The following ANKLE1 variants were observed in gnomAD, a reference collection of about 807,000 sequenced individuals.
ANKLE1 encodes ankyrin repeat and LEM domain containing 1.
A neutral mutation model predicts 56.2 loss-of-function variants in ANKLE1; 59 were observed. The observed-to-expected ratio is 1.05, with a 90% CI of 0.85 to 1.30. ANKLE1 has a LOEUF of 1.30. ANKLE1 is among the 50% of genes most tolerant of loss of function. ANKLE1 has a pLI of 0.00. For missense variants in ANKLE1, 771 were observed against 816.1 expected, an observed-to-expected ratio of 0.94 and a Z score of 0.67; for synonymous variants, 341 against 352.9, an observed-to-expected ratio of 0.97 and a Z score of 0.38.
At position 17,282,958 on chromosome 19, in the gene ANKLE1, C is replaced by T. The variant is rs1055161502; in HGVS notation, c.416C>T (p.Thr139Ile). Residue 139 changes from threonine (T) to isoleucine (I), a missense_variant, in exon 4 of 9, where the codon ACC becomes ATC. By Grantham distance (89) the Thr-to-Ile change is moderately conservative. Transcript: ENST00000404085. ...CTCGACACGCGGACCAGGACCCGGA[C>T]CCGGATCGGGGCAGAGACTCAGGAG... is the stretch of plus-strand genomic sequence containing the variant. ...QDLDTRTRTR[T>I]RIGAETQEPE... 1.9e-6 allele frequency: 3 copies of T among 1,568,536 alleles called. No homozygotes were observed. Among genetic ancestry groups the T allele is most frequent in the Non-Finnish European group, 2.6e-6 (3 of 1,163,332 alleles).
At chr19:17,285,902 G>A (rs1214858946) in intron 8 of ANKLE1, 83 bp downstream of exon 8, 5 of 1,548,102 alleles carry the variant, frequency 3.2e-6, no homozygotes, top group South Asian at 1.2e-5. Flanking sequence ...TCTGAGGGGT[G>A]TTCATTTGTT....
In ANKLE1 at chr19:17,283,762, C is replaced by T. The variant is rs778452177; in HGVS notation, c.998C>T (p.Thr333Met). ...HQTSIDSDMA[T>M]LWLTEDEASS... is the part of the protein sequence containing the mutation. ...ACATCCATTGATAGTGACATGGCCA[C>T]GCTCTGGCTGACAGAGGATGAGGCA... Residue 333 changes from threonine (T) to methionine (M), a missense_variant, in exon 5 of 9, where the codon ACG (threonine) becomes ATG (methionine). By Grantham distance (81) the Thr-to-Met change is moderately conservative (BLOSUM62 -1). Transcript: ENST00000404085. 1.6e-5 allele frequency: 26 copies of T among 1,613,552 alleles called. 1 individual carries two copies. The highest frequency in any genetic ancestry group is 3.3e-4 in the Middle Eastern group (2 of 6,084).
intron 3 of ANKLE1, 44 bp from the exon 4 acceptor site, chr19:17,282,820 G>C (rs367689223): frequency 6.3e-7 from 1 of 1,582,224 alleles, no homozygotes; most frequent in South Asian, 1.1e-5. Flanking sequence ...AGGGAAGGAA[G>C]GTAAGAGGGC....
In ANKLE1 at chr19:17,283,245, A is replaced by G. The variant is rs1358256874; in HGVS notation, c.481A>G (p.Thr161Ala). Reference sequence around the variant, plus strand: ...TGCAGCCCCAGGCCTCTCTGGACCTACCGATGAGACGCTGGACTCCATAGC... The same window carrying G: ...TGCAGCCCCAGGCCTCTCTGGACCTGCCGATGAGACGCTGGACTCCATAGC... ...APGTPGLSGP[T>A]DETLDSIALQ... Residue 161 changes from threonine (T) to alanine (A), a missense_variant, in exon 5 of 9, where the codon ACC (threonine) becomes GCC (alanine). By Grantham distance (58) the Thr-to-Ala change is moderately conservative. Transcript: ENST00000404085. The G allele has an allele frequency of 4.3e-6, 7 of 1,612,092 alleles. No individual in the cohort carries two copies. The South Asian group carries it at 5.5e-5, about 13-fold the overall frequency.
rs1421254839 is a variant in ANKLE1, at chr19:17,281,974, G to A, written c.54G>A (p.Glu18=). Residue 18 remains glutamate, a synonymous_variant, in exon 1 of 9, where the codon GAG becomes GAA. Coordinates refer to ENST00000404085, the MANE Select transcript of ANKLE1 (RefSeq NM_152363.6). The stretch of plus-strand genomic sequence containing the variant: ...GGTTGCGGGATGCGCTGCGGGAGGA[G>A]GAGCCGTGGTGAGGGCGGGGCCGGG... The part of the protein sequence containing the change: ...ARRLRDALRE[E]EPWAVEELLR... 1 of 1,534,354 alleles carries A rather than the reference G, an allele frequency of 6.5e-7. No individual in the cohort carries two copies. Among genetic ancestry groups the A allele is most frequent in the African/African-American group, 1.4e-5 (1 of 73,012 alleles).
rs1315997546 is a variant in ANKLE1, at chr19:17,283,789, G to A, written c.1025G>A (p.Ser342Asn). Reference sequence around the variant, plus strand: ...CTCTGGCTGACAGAGGATGAGGCAAGCTCTACAGGTGGCAGGGAACCTGTC... The same window carrying A: ...CTCTGGCTGACAGAGGATGAGGCAAACTCTACAGGTGGCAGGGAACCTGTC... ...ATLWLTEDEA[S>N]STGGREPVGP... Residue 342 changes from serine (S) to asparagine (N), a missense_variant, in exon 5 of 9, where the codon AGC (serine) becomes AAC (asparagine). Coordinates refer to ENST00000404085, the MANE Select transcript of ANKLE1 (RefSeq NM_152363.6). 1.2e-6 allele frequency: 2 copies of A among 1,613,640 alleles called. No individual in the cohort carries two copies. The highest frequency in any genetic ancestry group is 1.7e-6 in the Non-Finnish European group (2 of 1,179,900).
chr19:17,285,764 G>A lies in ANKLE1; in HGVS notation c.1620G>A (p.Gln540=), dbSNP rs2074024935. ...GTGTTGTGTCCCTACATTGCTTCCA[G>A]CACGTGGTCGCTGTGGAGGCTTATA... ...GCGVVSLHCF[Q]HVVAVEAYTR... is the part of the protein sequence containing the mutation. Residue 540 remains glutamine, a synonymous_variant, in exon 8 of 9, where the codon CAG becomes CAA. Transcript: ENST00000404085. 9.3e-6 allele frequency: 15 copies of A among 1,613,796 alleles called. No individual in the cohort carries two copies. Among genetic ancestry groups the A allele is most frequent in the Non-Finnish European group, 1.1e-5 (13 of 1,179,890 alleles).
chr19:17,286,908 G>A lies in ANKLE1; in HGVS notation c.*356G>A. ...GCAACTCCACCTGGAATAGGAGCTGGGTAAAATGAGGCTGAAACCTACTGG... is the reference window on the plus strand; with the variant it reads ...GCAACTCCACCTGGAATAGGAGCTGAGTAAAATGAGGCTGAAACCTACTGG... On this transcript the variant is annotated 3_prime_UTR_variant, in exon 9 of 9. Coordinates refer to ENST00000404085, the MANE Select transcript of ANKLE1 (RefSeq NM_152363.6). 1.3e-6 allele frequency: 1 copy of A among 752,198 alleles called. No individual in the cohort carries two copies. The highest frequency in any genetic ancestry group is 1.7e-6 in the Non-Finnish European group (1 of 588,700). 46.6% of individuals were successfully genotyped at this position (752,198 alleles called of 1,614,324 possible). A position where few individuals can be genotyped will look rare whatever the true frequency, so the allele number is the denominator to read the frequency against.
rs1382096256 is a variant in ANKLE1, at chr19:17,285,900, G to T, written c.1675+81G>T. 7 of 1,552,648 alleles carry T rather than the reference G, an allele frequency of 4.5e-6. No individual in the cohort carries two copies. In the East Asian group the frequency reaches 1.6e-4, roughly 35 times the overall value. On this transcript the variant is annotated intron_variant, in intron 8 of 8. Coordinates refer to ENST00000404085, the MANE Select transcript of ANKLE1 (RefSeq NM_152363.6). The stretch of plus-strand genomic sequence containing the variant: ...TCCCTCATTTTTTTCCTTCTGAGGG[G>T]TGTTCATTTGTTGACTGAGCAATTA...
Position 17,284,081 on chromosome 19 carries a change from A to T in ANKLE1, c.1199-8A>T, listed in dbSNP as rs1402270327. ...ATCATCCCTTCCTCCATCTCCCTTG[A>T]CTTCCAGGCCCAGAGTTTTCAGGGC... On this transcript the variant is annotated splice_region_variant and splice_polypyrimidine_tract_variant and intron_variant, in intron 5 of 8. Transcript: ENST00000404085. 9 of 1,612,696 alleles carry T rather than the reference A, an allele frequency of 5.6e-6. No homozygotes were observed. Among genetic ancestry groups the T allele is most frequent in the Non-Finnish European group, 7.6e-6 (9 of 1,179,058 alleles).
chr19:17,282,010 G>A, intron 1 of ANKLE1, 28 bp downstream of exon 1: 1 of 1,535,916 alleles, frequency 6.5e-7, no homozygotes, highest in Non-Finnish European at 8.7e-7. Flanking sequence ...GGCGGGCCAG[G>A]AGTGGGGGTC....
chr19:17,286,459 C>A lies in ANKLE1; in HGVS notation c.1755C>A (p.Arg585=), dbSNP rs767935151. The A allele has an allele frequency of 3.1e-6, 5 of 1,612,226 alleles. No homozygotes were observed. In the South Asian group the frequency reaches 5.5e-5, roughly 18 times the overall value. Residue 585 remains arginine, a synonymous_variant, in exon 9 of 9, where the codon CGC becomes CGA. Coordinates refer to ENST00000404085, the MANE Select transcript of ANKLE1 (RefSeq NM_152363.6). ...VAGWPPARRR[R]LGVHLLHRAL... ...GCTGGCCACCTGCTCGTCGCCGGCG[C>A]TTGGGGGTGCACCTGCTGCACCGTG... is the stretch of plus-strand genomic sequence containing the variant.
Position 17,282,138 on chromosome 19 carries a change from CGGAG to C in ANKLE1, c.145_148del (p.Gly49ProfsTer28). 6.5e-7 allele frequency: 1 copy of C among 1,539,224 alleles called. No homozygotes were observed. Among genetic ancestry groups the C allele is most frequent in the Non-Finnish European group, 8.7e-7 (1 of 1,145,634 alleles). The stretch of plus-strand genomic sequence containing the variant: ...GCGCAGCGGCTGTGCACTTGGCGGC[CGGAG>C]CCCGGCACCCGCGCGGCCTGCGTTG... On this transcript the variant is annotated frameshift_variant, in exon 2 of 9. Transcript: ENST00000404085. LOFTEE classifies it high-confidence loss of function.
intron 2 of ANKLE1, 30 bp downstream of exon 2, chr19:17,282,239 T>C (rs958070870): frequency 6.2e-6 from 9 of 1,458,586 alleles, no homozygotes; most frequent in Non-Finnish European, 4.5e-6. Flanking sequence ...CGGGGCGGGG[T>C]CTCCCCAAGC....
chr19:17,282,525 G>A, intron 2 of ANKLE1, 131 bp from the exon 3 acceptor site: 1 of 1,007,056 alleles, frequency 9.9e-7, no homozygotes, highest in Non-Finnish European at 1.5e-6. Context: ...TAGGTTCCAA[G>A]GGCAGTGTAC....
rs779289249 is a variant in ANKLE1, at chr19:17,286,682, G to GTT, written c.*131_*132insTT. 6 of 960,496 alleles carry GTT rather than the reference G, an allele frequency of 6.2e-6. No homozygotes were observed. In the African/African-American group the frequency reaches 1.5e-4, roughly 24 times the overall value. The allele number at this position is 960,496 out of a possible 1,614,324, so 59.5% of individuals were successfully genotyped here. On this transcript the variant is annotated 3_prime_UTR_variant, in exon 9 of 9. Coordinates refer to ENST00000404085, the MANE Select transcript of ANKLE1 (RefSeq NM_152363.6). ...TGTGTGTGTGTGTGTGTGTGTGTGT[G>GTT]TGTGTGTGTTTGTGTGTGTGTGTGT...
Position 17,283,961 on chromosome 19 carries a change from T to C in ANKLE1, c.1197T>C (p.Pro399=). The change falls in exon 5 of 9, where the codon CCT becomes CCC. Residue 399 remains proline, a splice_region_variant and synonymous_variant. Transcript: ENST00000404085. ...AGCTGGAAGAAGCCCAGATTGCTCC[T>C]GGTTAGTCTTCCCAGGGCACATGGA... ...HQQLEEAQIA[P]GPEFSGHSLE... is the part of the protein sequence containing the mutation. 1.9e-6 allele frequency: 3 copies of C among 1,601,282 alleles called. No homozygotes were observed. The highest frequency in any genetic ancestry group is 2.6e-6 in the Non-Finnish European group (3 of 1,171,716).
rs368643699 is a variant in ANKLE1, at chr19:17,283,450, G to A, written c.686G>A (p.Gly229Glu). 3.1e-6 allele frequency: 5 copies of A among 1,613,260 alleles called. No individual in the cohort carries two copies. The East Asian group carries it at 8.9e-5, about 29-fold the overall frequency. Residue 229 changes from glycine to glutamate, a missense_variant, in exon 5 of 9, where the codon GGA (glycine) becomes GAA (glutamate). Coordinates refer to ENST00000404085, the MANE Select transcript of ANKLE1 (RefSeq NM_152363.6). Reference sequence around the variant, plus strand: ...TTCGTCACAGCGGTTGAGGTCTCTGGAGCTGAGGACCCAGCCTCGGACACT... The same window carrying A: ...TTCGTCACAGCGGTTGAGGTCTCTGAAGCTGAGGACCCAGCCTCGGACACT... ...ASFVTAVEVSGAEDPASDTPP... is the reference protein window; with the variant it reads ...ASFVTAVEVSEAEDPASDTPP...
chr19:17,285,880 C>A, intron 8 of ANKLE1, 61 bp downstream of exon 8: 1 of 1,595,026 alleles, frequency 6.3e-7, no homozygotes, highest in South Asian at 1.1e-5. Context: ...CCAGTTCCCT[C>A]ATTTTTTTCC....
Sources: gnomAD v4.1 joint callset for allele counts on GRCh38, gnomAD v4.1.1 for gene constraint, MANE v1.5 for transcripts, NCBI Gene and HGNC (gene_info 2026-07-23, HGNC 2026-07-21) for gene names.